Variants in PARD3B observed in about 807,000 individuals in gnomAD.
The protein encoded by PARD3B is par-3 family cell polarity regulator beta.
In PARD3B, 103 loss-of-function variants were observed where a neutral mutation model predicts 130.2. The ratio of observed to expected loss-of-function variants is 0.79; its 90% CI spans 0.67 to 0.93. The LOEUF is 0.93. PARD3B is among the 40% of genes least tolerant of loss of function. The pLI, the probability that PARD3B is intolerant of heterozygous loss-of-function variation, is 0.00. For synonymous variants in PARD3B, 583 were observed against 553.2 expected (o/e 1.05, Z -0.76); for missense variants, 1,609 against 1,499.2 (o/e 1.07, Z -1.21).
chr2:205,058,979 G>A (rs971205714), intron 4 of PARD3B, among the ~76,000 whole-genome samples: 3 of 144,892 alleles, frequency 2.1e-5, no homozygotes, highest in Non-Finnish European at 4.5e-5. Context: ...TGTGCTTTTT[G>A]TATCACATCC....
rs76102730 is a variant in PARD3B, at chr2:205,582,668, GTTT to G, written c.3260+29277_3260+29279del. On this transcript the variant is annotated intron_variant, in intron 22 of 22. Coordinates refer to ENST00000406610, the MANE Select transcript of PARD3B (RefSeq NM_001302769.2). ...ACCAAGAGCAACAAGGAAGGTTATT[GTTT>G]TTTTTTTTTTTCCTACGTGTCTAGG... Among the ~76,000 whole-genome samples, 3 of 142,070 alleles carry G rather than the reference GTTT, an allele frequency of 2.1e-5. No individual in the cohort carries two copies. The East Asian group carries it at 6.1e-4, about 29-fold the overall frequency. The allele number at this position is 142,070 out of a possible 152,430, so 93.2% of individuals were successfully genotyped here.
At chr2:204,986,265 T>G (rs1693149129) in intron 3 of PARD3B, among the ~76,000 whole-genome samples, 2 of 152,136 alleles carry the variant, frequency 1.3e-5, no homozygotes, top group African/African-American at 2.4e-5. Context: ...CCTGCCAGTA[T>G]GTAACCCAAC....
At position 205,241,948 on chromosome 2, in the gene PARD3B, A is replaced by T. The variant is rs940103094; in HGVS notation, c.2141-3830A>T. The stretch of plus-strand genomic sequence containing the variant: ...GTATTAATTATAACACTTGCCATTT[A>T]AAAAAAAACTTGGTGGCATGTGTAA... On this transcript the variant is annotated intron_variant, in intron 15 of 22. Transcript: ENST00000406610. This position sits in a 1 kb window ranked among gnomAD's most constrained non-coding sequence, Gnocchi z 4.2. Among the ~76,000 whole-genome samples the T allele has an allele frequency of 2.6e-5, 4 of 151,718 alleles. No individual in the cohort carries two copies. Among genetic ancestry groups the T allele is most frequent in the African/African-American group, 7.3e-5 (3 of 41,316 alleles).
At chr2:205,310,328 C>T (rs1029662003) in intron 18 of PARD3B, among the ~76,000 whole-genome samples, 5 of 152,014 alleles carry the variant, frequency 3.3e-5, no homozygotes, top group Non-Finnish European at 2.9e-5. Context: ...ACCTCATGAT[C>T]GCCTGCCTCA....
chr2:205,526,693 A>G (rs2051352906), intron 21 of PARD3B, among the ~76,000 whole-genome samples: 1 of 152,144 alleles, frequency 6.6e-6, no homozygotes, highest in South Asian at 2.1e-4. Flanking sequence ...GAATTAATTG[A>G]CATGAAAAAA....
intron 18 of PARD3B, among the ~76,000 whole-genome samples, chr2:205,360,370 T>G (rs1293928533): frequency 6.6e-6 from 1 of 152,184 alleles, no homozygotes; most frequent in East Asian, 1.9e-4. Flanking sequence ...TACATCATAT[T>G]ATTTTCATTA....
chr2:204,590,638 A>T (rs1351248994), intron 1 of PARD3B, among the ~76,000 whole-genome samples: 2 of 152,214 alleles, frequency 1.3e-5, no homozygotes, highest in African/African-American at 4.8e-5. Flanking sequence ...GCAGCAAGAG[A>T]GAAGACATTG....
intron 2 of PARD3B, among the ~76,000 whole-genome samples, chr2:204,757,541 TGCTTGTAGG>T (rs1290991960): frequency 1.3e-5 from 2 of 152,158 alleles, no homozygotes; most frequent in African/African-American, 2.4e-5. Context: ...GTTTGTTGGC[TGCTTGTAGG>T]TCTTCTTTTG....
intron 4 of PARD3B, among the ~76,000 whole-genome samples, chr2:205,079,961 T>C (rs1050032587): frequency 1.3e-5 from 2 of 152,188 alleles, no homozygotes; most frequent in African/African-American, 4.8e-5. Flanking sequence ...GTTGGTGAGC[T>C]ATGGTATAGA....
chr2:205,004,366 A>G (rs575570391), intron 3 of PARD3B, among the ~76,000 whole-genome samples: 7 of 152,352 alleles, frequency 4.6e-5, no homozygotes, highest in African/African-American at 1.7e-4. Flanking sequence ...AGGATTTAGA[A>G]GACCAGGTAT....
intron 2 of PARD3B, among the ~76,000 whole-genome samples, chr2:204,762,116 A>ATTTT (rs968166780): frequency 9.9e-4 from 94 of 95,382 alleles, no homozygotes; most frequent in African/African-American, 2.2e-3. Flanking sequence ...TTCTTTTTCT[A>ATTTT]TTTTTTTTTT....
chr2:205,224,326 G>A (rs1432325870), intron 15 of PARD3B, among the ~76,000 whole-genome samples: 1 of 112,610 alleles, frequency 8.9e-6, no homozygotes, highest in East Asian at 3.3e-4. Flanking sequence ...AGCGGAGACA[G>A]CACCACTGCA....
chr2:204,569,988 G>A (rs908866651), intron 1 of PARD3B, among the ~76,000 whole-genome samples: 1 of 152,078 alleles, frequency 6.6e-6, no homozygotes, highest in Non-Finnish European at 1.5e-5. Flanking sequence ...CTGAGATTTT[G>A]TAAGTGTGTG....
chr2:204,806,427 A>G (rs1575031575), intron 2 of PARD3B, among the ~76,000 whole-genome samples: 1 of 152,170 alleles, frequency 6.6e-6, no homozygotes, highest in Non-Finnish European at 1.5e-5. Context: ...AGAAAACTGG[A>G]TATTTATATG....
intron 2 of PARD3B, among the ~76,000 whole-genome samples, chr2:204,733,901 G>T (rs1053043522): frequency 6.6e-6 from 1 of 152,094 alleles, no homozygotes; most frequent in African/African-American, 2.4e-5. Context: ...AAGAATTGGA[G>T]AATTTTTTTG....
At chr2:204,877,848 A>G (rs1178472443) in intron 2 of PARD3B, among the ~76,000 whole-genome samples, 4 of 152,196 alleles carry the variant, frequency 2.6e-5, no homozygotes, top group Admixed American at 6.5e-5. Context: ...GGAGCCCTAC[A>G]TTGTTGTTCA....
In PARD3B at chr2:205,566,478, G is replaced by T. The variant is rs564975812; in HGVS notation, c.3260+13075G>T. On this transcript the variant is annotated intron_variant, in intron 22 of 22. Transcript: ENST00000406610. ...GTTTGAAGGGTAAGTGAAGCCAGGT[G>T]TTAAGAATGGATCCACACACAGCAG... Among the ~76,000 whole-genome samples the T allele has an allele frequency of 1.5e-4, 23 of 152,278 alleles. 2 individuals are homozygous for T. In the South Asian group the frequency reaches 4.6e-3, roughly 30 times the overall value.
intron 4 of PARD3B, among the ~76,000 whole-genome samples, chr2:205,063,936 A>T (rs1285490733): frequency 1.3e-5 from 2 of 152,002 alleles, no homozygotes; most frequent in South Asian, 4.2e-4. Context: ...AAATAAAAAA[A>T]AACGCATATC....
At chr2:205,324,095 T>G (rs1185904886) in intron 18 of PARD3B, among the ~76,000 whole-genome samples, 1 of 152,192 alleles carries the variant, frequency 6.6e-6, no homozygotes, top group Non-Finnish European at 1.5e-5. Flanking sequence ...CACCTTCTTT[T>G]GTCAGGGGCT....
Sources: allele counts gnomAD v4.1 joint callset (sites outside exome capture counted in the v4.1 genomes callset), GRCh38; gene constraint gnomAD v4.1.1; non-coding constraint Gnocchi (gnomAD v3.1); transcripts MANE v1.5; gene names NCBI Gene and HGNC (gene_info 2026-07-23, HGNC 2026-07-21).